Variants in STAU2 observed in about 807,000 individuals in gnomAD.
STAU2 encodes the protein staufen double-stranded RNA binding protein 2.
A neutral mutation model predicts 65.9 loss-of-function variants in STAU2; 20 were observed. The observed-to-expected ratio is 0.30, with a 90% confidence interval of 0.21 to 0.44. The LOEUF (loss-of-function observed/expected upper bound fraction) is 0.44. Among genes scored for constraint, STAU2 ranks in the 20% least tolerant of loss-of-function variants. STAU2 has a pLI of 1.00. For synonymous variants in STAU2, 232 were observed against 233.9 expected (o/e 0.99, Z 0.07); for missense variants, 558 against 683.9 (o/e 0.82, Z 2.05).
In STAU2 at chr8:73,489,098, T is replaced by C. The variant is rs144261492; in HGVS notation, c.1530+62914A>G. On this transcript the variant is annotated intron_variant, in intron 13 of 14. Transcript: ENST00000524300. ...GCAGAAGGAATTTTTTTTTCAAATT[T>C]ATTAATTTTTAAAAACGAACAACAA... 2.6e-3 allele frequency among the ~76,000 whole-genome samples: 392 copies of C among 152,058 alleles called. 2 individuals carry two copies. Among genetic ancestry groups the C allele is most frequent in the African/African-American group, 9.1e-3 (377 of 41,500 alleles).
At chr8:73,675,808 A>C (rs1355694650) in intron 5 of STAU2, among the ~76,000 whole-genome samples, 6 of 152,220 alleles carry the variant, frequency 3.9e-5, no homozygotes, top group Non-Finnish European at 7.3e-5. Context: ...GGAGCTGTAA[A>C]GGTTTGGGAT....
chr8:73,567,246 G>A (rs887425836), intron 12 of STAU2, among the ~76,000 whole-genome samples: 5 of 152,108 alleles, frequency 3.3e-5, no homozygotes, highest in Non-Finnish European at 5.9e-5. Context: ...AGTGGTTCAC[G>A]CTTGTAATCC....
At chr8:73,704,879 G>A (rs1488945330) in intron 4 of STAU2, among the ~76,000 whole-genome samples, 3 of 152,040 alleles carry the variant, frequency 2.0e-5, no homozygotes, top group Admixed American at 6.6e-5. Context: ...ATTTTGACCA[G>A]GATGATCTCA....
intron 11 of STAU2, among the ~76,000 whole-genome samples, chr8:73,583,386 T>C (rs1040817443): frequency 6.6e-6 from 1 of 152,112 alleles, no homozygotes; most frequent in African/African-American, 2.4e-5. Context: ...CCTCAAATGA[T>C]CCACCCACTT....
At chr8:73,541,958 T>G (rs1363820587) in intron 13 of STAU2, among the ~76,000 whole-genome samples, 5 of 152,036 alleles carry the variant, frequency 3.3e-5, no homozygotes. Context: ...AACAGGAGAT[T>G]TAACACATGT....
At chr8:73,432,785 G>T (rs140711531) in intron 13 of STAU2, among the ~76,000 whole-genome samples, 1 of 152,038 alleles carries the variant, frequency 6.6e-6, no homozygotes, top group Non-Finnish European at 1.5e-5. Context: ...CCATAAAATT[G>T]GTACTTTCTA....
At chr8:73,490,329 T>C (rs1821099857) in intron 13 of STAU2, among the ~76,000 whole-genome samples, 1 of 152,020 alleles carries the variant, frequency 6.6e-6, no homozygotes, top group African/African-American at 2.4e-5. Flanking sequence ...ATTTACACAA[T>C]ATTCTCCCTG....
intron 6 of STAU2, among the ~76,000 whole-genome samples, chr8:73,655,640 T>C (rs1406398227): frequency 3.4e-5 from 3 of 88,192 alleles, no homozygotes; most frequent in South Asian, 8.2e-4. Flanking sequence ...TTAATACATC[T>C]TTTTTTTTTT....
At chr8:73,641,722 C>T (rs1814988105) in intron 6 of STAU2, among the ~76,000 whole-genome samples, 1 of 152,208 alleles carries the variant, frequency 6.6e-6, no homozygotes, top group Non-Finnish European at 1.5e-5. Context: ...ATTGTCCAAA[C>T]TTAACCACTT....
At chr8:73,731,032 G>A (rs987579407) in intron 3 of STAU2, among the ~76,000 whole-genome samples, 2 of 152,190 alleles carry the variant, frequency 1.3e-5, no homozygotes, top group African/African-American at 4.8e-5. Context: ...TCTTCCCAGT[G>A]CCCCATGTAT....
At chr8:73,717,322 A>ACAAAC (rs1821319348) in intron 3 of STAU2, among the ~76,000 whole-genome samples, 2 of 146,282 alleles carry the variant, frequency 1.4e-5, no homozygotes, top group African/African-American at 5.2e-5. Flanking sequence ...CTTTTAATGT[A>ACAAAC]TATCTAAAAA....
chr8:73,602,920 A>G (rs1811744172), intron 10 of STAU2, among the ~76,000 whole-genome samples: 2 of 152,164 alleles, frequency 1.3e-5, no homozygotes, highest in South Asian at 4.1e-4. Context: ...ATACTTCAGT[A>G]AAAGAAGAGA....
chr8:73,529,553 T>C (rs1004087838), intron 13 of STAU2, among the ~76,000 whole-genome samples: 1 of 152,110 alleles, frequency 6.6e-6, no homozygotes, highest in Non-Finnish European at 1.5e-5. Context: ...GAAATGAAAA[T>C]TAGAAAGGAC....
intron 6 of STAU2, among the ~76,000 whole-genome samples, chr8:73,647,794 G>C (rs1484066811): frequency 6.6e-6 from 1 of 152,016 alleles, no homozygotes; most frequent in Admixed American, 6.6e-5. Flanking sequence ...TGCCCAGGCT[G>C]GTCTCACACT....
chr8:73,447,723 G>A (rs893656976), intron 13 of STAU2, among the ~76,000 whole-genome samples: 1 of 152,214 alleles, frequency 6.6e-6, no homozygotes, highest in Non-Finnish European at 1.5e-5. Context: ...ACCCCTGGAA[G>A]AACCAGGGCG....
chr8:73,738,757 TC>T (rs370915571), intron 2 of STAU2, among the ~76,000 whole-genome samples: 153 of 152,272 alleles, frequency 1.0e-3, no homozygotes, highest in African/African-American at 3.5e-3. Context: ...AATGTATACT[TC>T]CCTTTTTGCA....
chr8:73,687,284 A>AATAT (rs1818928166), intron 5 of STAU2, among the ~76,000 whole-genome samples: 2 of 18,544 alleles, frequency 1.1e-4, no homozygotes, highest in Admixed American at 5.3e-4. Context: ...ACATTTATAA[A>AATAT]AATTTATATT....
chr8:73,602,331 T>C (rs1416204008), intron 10 of STAU2, among the ~76,000 whole-genome samples: 1 of 152,212 alleles, frequency 6.6e-6, no homozygotes, highest in Non-Finnish European at 1.5e-5. Context: ...CAGCACTTAA[T>C]ATTTGTTGAT....
chr8:73,669,291 C>T (rs1415263033), intron 6 of STAU2, among the ~76,000 whole-genome samples: 2 of 152,052 alleles, frequency 1.3e-5, no homozygotes, highest in African/African-American at 4.8e-5. Context: ...AATAAAGACA[C>T]TCCAAAAAAG....
Sources: allele counts gnomAD v4.1 joint callset (sites outside exome capture counted in the v4.1 genomes callset), GRCh38; gene constraint gnomAD v4.1.1; transcripts MANE v1.5; gene names NCBI Gene and HGNC (gene_info 2026-07-23, HGNC 2026-07-21).